ADRA1D: variants seen among roughly 807,000 people sequenced by gnomAD.
The protein encoded by ADRA1D is alpha-1D adrenergic receptor.
A neutral mutation model predicts 18.6 loss-of-function variants in ADRA1D; 22 were observed. The ratio of observed to expected loss-of-function variants is 1.19; its 90% CI spans 0.85 to 1.69. The LOEUF (loss-of-function observed/expected upper bound fraction) is 1.69, where lower values mean the gene tolerates loss of function less well. Among genes scored for constraint, ADRA1D ranks in the 40% most tolerant of loss-of-function variants. The pLI is 0.00. For synonymous variants in ADRA1D, 376 were observed against 388.2 expected (o/e 0.97, Z 0.37); for missense variants, 840 against 840.7 (o/e 1.00, Z 0.01).
intron 1 of ADRA1D, among the ~76,000 whole-genome samples, chr20:4,235,701 C>T (rs1458083756): frequency 6.6e-6 from 1 of 152,252 alleles, no homozygotes; most frequent in East Asian, 1.9e-4. Flanking sequence ...CCGGGAGTCC[C>T]AGCACTGAGC....
At chr20:4,229,766 T>C (rs1980910756) in intron 1 of ADRA1D, among the ~76,000 whole-genome samples, 1 of 151,946 alleles carries the variant, frequency 6.6e-6, no homozygotes, top group Non-Finnish European at 1.5e-5. Context: ...CTTGCCTTGA[T>C]GAATCCAGCA....
rs1190560886 is a variant in ADRA1D, at chr20:4,242,154, G to A, written c.1111+5693C>T. Among the ~76,000 whole-genome samples, 4 of 152,206 alleles carry A rather than the reference G, an allele frequency of 2.6e-5. No homozygotes were observed. The East Asian group carries it at 5.8e-4, about 22-fold the overall frequency. ...CCTGTTTTTGAACTTCATCTACACA[G>A]AATCAAAAGGTGTGTACACCTTGAG... On this transcript the variant is annotated intron_variant, in intron 1 of 1. Transcript: ENST00000379453.
rs1228332650 is a variant in ADRA1D, at chr20:4,220,808, A to G, written c.*715T>C. ...TCAAAATGACAAATAAAGCTCTCCA[A>G]TTGGTGGCTTGGAATCCCAGCAAGA... is the stretch of plus-strand genomic sequence containing the variant. On this transcript the variant is annotated 3_prime_UTR_variant, in exon 2 of 2. Coordinates refer to ENST00000379453, the MANE Select transcript of ADRA1D (RefSeq NM_000678.4). 2 of 152,658 alleles carry G rather than the reference A, an allele frequency of 1.3e-5. No individual in the cohort carries two copies. Among genetic ancestry groups the G allele is most frequent in the Admixed American group, 1.3e-4 (2 of 15,272 alleles). 9.5% of individuals were successfully genotyped at this position (152,658 alleles called of 1,614,324 possible).
In ADRA1D at chr20:4,235,867, G is replaced by A. The variant is rs183296914; in HGVS notation, c.1111+11980C>T. Among the ~76,000 whole-genome samples, 643 of 152,362 alleles carry A rather than the reference G, an allele frequency of 4.2e-3. 6 individuals carry two copies. Among genetic ancestry groups the A allele is most frequent in the Non-Finnish European group, 5.6e-3 (380 of 68,034 alleles). Reference sequence around the variant, plus strand: ...GGGTGCACGGCAGGCCTGGGCTCAGGCGGGGGCAGAGATGGGCTTAGGGAC... The same window carrying A: ...GGGTGCACGGCAGGCCTGGGCTCAGACGGGGGCAGAGATGGGCTTAGGGAC... On this transcript the variant is annotated intron_variant, in intron 1 of 1. Coordinates refer to ENST00000379453, the MANE Select transcript of ADRA1D (RefSeq NM_000678.4).
At position 4,221,668 on chromosome 20, in the gene ADRA1D, C is replaced by T. The variant is rs150684653; in HGVS notation, c.1574G>A (p.Gly525Asp). The change falls in exon 2 of 2, where the codon GGC (glycine) becomes GAC (aspartate). Residue 525 changes from glycine to aspartate, a missense_variant. Coordinates refer to ENST00000379453, the MANE Select transcript of ADRA1D (RefSeq NM_000678.4). ...SSLSHKIRAG[G>D]AQRAEAACAQ... is the part of the protein sequence containing the mutation. ...GCACGCTGCCTCTGCGCGCTGCGCGCCCCCGGCGCGGATCTTGTGCGACAG... is the reference window on the plus strand; with the variant it reads ...GCACGCTGCCTCTGCGCGCTGCGCGTCCCCGGCGCGGATCTTGTGCGACAG... The T allele has an allele frequency of 1.2e-6, 2 of 1,612,488 alleles. No individual in the cohort carries two copies. Among genetic ancestry groups the T allele is most frequent in the Non-Finnish European group, 1.7e-6 (2 of 1,179,606 alleles).
Position 4,248,880 on chromosome 20 carries a change from G to T in ADRA1D, c.78C>A (p.Gly26=). The T allele has an allele frequency of 8.8e-7, 1 of 1,131,798 alleles. No homozygotes were observed. Among genetic ancestry groups the T allele is most frequent in the Non-Finnish European group, 1.1e-6 (1 of 923,638 alleles). The allele number at this position is 1,131,798 out of a possible 1,614,324, so 70.1% of individuals were successfully genotyped here. ...CGCCGCCCGCGCTGCCCCCGCCGCC[G>T]CCCGCGCTGGAGCCCCCTGCGCTGC... is the stretch of plus-strand genomic sequence containing the variant. ...PDSSAGGSSA[G]GGGGSAGGAA... Residue 26 remains glycine (G), a synonymous_variant, in exon 1 of 2, where the codon GGC becomes GGA. Coordinates refer to ENST00000379453, the MANE Select transcript of ADRA1D (RefSeq NM_000678.4).
intron 1 of ADRA1D, among the ~76,000 whole-genome samples, chr20:4,225,139 C>T (rs538226302): frequency 5.7e-4 from 87 of 151,512 alleles, no homozygotes; most frequent in Admixed American, 1.2e-3. Context: ...GTAGCTGGGA[C>T]TACAGGCACG....
At chr20:4,224,893 A>G (rs998486585) in intron 1 of ADRA1D, among the ~76,000 whole-genome samples, 3 of 152,000 alleles carry the variant, frequency 2.0e-5, no homozygotes, top group Non-Finnish European at 4.4e-5. Context: ...TCTGGTGCTA[A>G]GAGACACCGC....
At chr20:4,244,150 G>C (rs777020674) in intron 1 of ADRA1D, among the ~76,000 whole-genome samples, 19 of 152,188 alleles carry the variant, frequency 1.2e-4, no homozygotes, top group African/African-American at 4.6e-4. Context: ...CCTCCAGGCC[G>C]CTGTGGCTGC....
At chr20:4,247,023 C>T (rs1198991192) in intron 1 of ADRA1D, among the ~76,000 whole-genome samples, 2 of 152,130 alleles carry the variant, frequency 1.3e-5, no homozygotes, top group Non-Finnish European at 2.9e-5. Context: ...TGCTGTTCCC[C>T]CACTACTCCT....
At chr20:4,241,930 C>G (rs73610171) in intron 1 of ADRA1D, among the ~76,000 whole-genome samples, 9 of 145,702 alleles carry the variant, frequency 6.2e-5, no homozygotes, top group African/African-American at 2.3e-4. Context: ...ATTTAGAAAG[C>G]GTGTGTATCT....
Position 4,247,930 on chromosome 20 carries a change from T to C in ADRA1D, c.1028A>G (p.Glu343Gly). The C allele has an allele frequency of 6.2e-7, 1 of 1,604,642 alleles. No individual in the cohort carries two copies. The highest frequency in any genetic ancestry group is 8.5e-7 in the Non-Finnish European group (1 of 1,175,836). The change falls in exon 1 of 2, where the codon GAG becomes GGG. Residue 343 changes from glutamate to glycine, a missense_variant. Glu to Gly is a moderately conservative substitution (Grantham distance 98). Coordinates refer to ENST00000379453, the MANE Select transcript of ADRA1D (RefSeq NM_000678.4). ...LSVRLLKFSREKKAAKTLAIV... is the reference protein window; with the variant it reads ...LSVRLLKFSRGKKAAKTLAIV... ...GGCCAGAGTCTTGGCCGCTTTCTTC[T>C]CACGGGAGAACTTGAGCAGGCGCAC...
At chr20:4,241,250 G>A (rs1211508233) in intron 1 of ADRA1D, among the ~76,000 whole-genome samples, 4 of 152,168 alleles carry the variant, frequency 2.6e-5, no homozygotes, top group Non-Finnish European at 4.4e-5. Context: ...GAGAAAGGGC[G>A]CTAGGAAATT....
At chr20:4,223,934 C>T (rs1980732615) in intron 1 of ADRA1D, among the ~76,000 whole-genome samples, 1 of 152,248 alleles carries the variant, frequency 6.6e-6, no homozygotes, top group East Asian at 1.9e-4. Context: ...CACTGTAGCT[C>T]CCCACTGCAG....
intron 1 of ADRA1D, among the ~76,000 whole-genome samples, chr20:4,223,095 GT>G (rs57992348): frequency 0.17 from 24,335 of 142,356 alleles, 2,167 homozygotes; most frequent in East Asian, 0.36. Flanking sequence ...ACTAGATCTT[GT>G]TTTTTTTTTT....
Position 4,221,678 on chromosome 20 carries a change from G to T in ADRA1D, c.1564C>A (p.Arg522Ser). The change falls in exon 2 of 2, where the codon CGC (arginine) becomes AGC (serine). Residue 522 changes from arginine to serine, a missense_variant. Transcript: ENST00000379453. ...AKVSSLSHKI[R>S]AGGAQRAEAA... Reference sequence around the variant, plus strand: ...TCTGCGCGCTGCGCGCCCCCGGCGCGGATCTTGTGCGACAGGCTGGAGACT... The same window carrying T: ...TCTGCGCGCTGCGCGCCCCCGGCGCTGATCTTGTGCGACAGGCTGGAGACT... 6.2e-7 allele frequency: 1 copy of T among 1,612,424 alleles called. No individual in the cohort carries two copies. The highest frequency in any genetic ancestry group is 1.3e-5 in the African/African-American group (1 of 75,048).
intron 1 of ADRA1D, among the ~76,000 whole-genome samples, chr20:4,232,373 C>A (rs59976348): frequency 6.6e-6 from 1 of 152,102 alleles, no homozygotes; most frequent in South Asian, 2.1e-4. Context: ...GGGGTGATAG[C>A]GGCTTCTGGA....
rs553436693 is a variant in ADRA1D, at chr20:4,221,968, C to G, written c.1274G>C (p.Arg425Pro). The G allele has an allele frequency of 2.9e-5, 45 of 1,555,254 alleles. 2 individuals carry two copies. In the East Asian group the frequency reaches 9.5e-4, roughly 33 times the overall value. ...GACACGCCAGAGAGGGCGGCGGCGC[C>G]GGCGACGACGGCACTGGCAGCGCAG... ...RLLRCQCRRR[R>P]RRRPLWRVYG... is the part of the protein sequence containing the mutation. Residue 425 changes from arginine to proline, a missense_variant, in exon 2 of 2, where the codon CGG (arginine) becomes CCG (proline). Arg to Pro is a moderately radical substitution (Grantham distance 103). Transcript: ENST00000379453.
intron 1 of ADRA1D, among the ~76,000 whole-genome samples, chr20:4,223,390 C>T (rs914228642): frequency 6.6e-6 from 1 of 152,158 alleles, no homozygotes; most frequent in Non-Finnish European, 1.5e-5. Flanking sequence ...TACGCTTCCC[C>T]AGGTGCCTAA....
Sources: gnomAD v4.1 joint callset for allele counts (sites outside exome capture counted in the v4.1 genomes callset) on GRCh38, gnomAD v4.1.1 for gene constraint, MANE v1.5 for transcripts, NCBI Gene and HGNC (gene_info 2026-07-23, HGNC 2026-07-21) for gene names.